Variants in SLC6A20 observed in about 807,000 individuals in gnomAD.
The protein encoded by SLC6A20 is solute carrier family 6 member 20, also known as sodium- and chloride-dependent transporter XTRP3.
Under a neutral mutation model 64.3 loss-of-function variants are expected in SLC6A20, and 73 were observed. The observed-to-expected ratio is 1.14, with a 90% CI of 0.94 to 1.38. SLC6A20 has a LOEUF of 1.38. Among genes scored for constraint, SLC6A20 ranks in the 40% most tolerant of loss-of-function variants. SLC6A20 has a pLI of 0.00. For missense variants in SLC6A20, 725 were observed against 772.8 expected, an observed-to-expected ratio of 0.94 and a Z score of 0.73; for synonymous variants, 347 against 329.6, an observed-to-expected ratio of 1.05 and a Z score of -0.57.
chr3:45,785,050 T>C (rs1173900711), intron 1 of SLC6A20, among the ~76,000 whole-genome samples: 1 of 152,226 alleles, frequency 6.6e-6, no homozygotes, highest in African/African-American at 2.4e-5. Flanking sequence ...CCCTATTGCA[T>C]TGGAAACTAA....
At chr3:45,792,012 G>A (rs142706577) in intron 1 of SLC6A20, among the ~76,000 whole-genome samples, 3,258 of 152,312 alleles carry the variant, frequency 0.021, 59 homozygotes, top group Middle Eastern at 0.068. Context: ...AGAGGATGAA[G>A]AGCACACTGG....
rs1362610476 is a variant in SLC6A20, at chr3:45,796,184, G to C, written c.121+115C>G. On this transcript the variant is annotated intron_variant, in intron 1 of 10. Coordinates refer to ENST00000358525, the MANE Select transcript of SLC6A20 (RefSeq NM_020208.4). ...GGGTCTGTAACTTCGGACAAATCAC[G>C]CTCGCTTTCCCGGCCTCAGTGTGCC... 2.7e-6 allele frequency: 4 copies of C among 1,486,182 alleles called. No individual in the cohort carries two copies. In the East Asian group the frequency reaches 1.0e-4, roughly 39 times the overall value. The allele number at this position is 1,486,182 out of a possible 1,614,324, so 92.1% of individuals were successfully genotyped here. A position where few individuals can be genotyped will look rare whatever the true frequency, so the allele number is the denominator to read the frequency against.
In SLC6A20 at chr3:45,758,595, C is replaced by T; in HGVS notation, c.*383G>A. ...TTAAATGGATCTAAAAATATTTGTC[C>T]TCTAATATTTTGGTGTCTCTTCAGC... On this transcript the variant is annotated 3_prime_UTR_variant, in exon 11 of 11. Transcript: ENST00000358525. 1 of 1,102,716 alleles carries T rather than the reference C, an allele frequency of 9.1e-7. No homozygotes were observed. Among genetic ancestry groups the T allele is most frequent in the Non-Finnish European group, 1.1e-6 (1 of 898,812 alleles). The allele number at this position is 1,102,716 out of a possible 1,614,324, so 68.3% of individuals were successfully genotyped here.
intron 1 of SLC6A20, among the ~76,000 whole-genome samples, chr3:45,794,325 G>A (rs1261215664): frequency 6.6e-6 from 1 of 152,200 alleles, no homozygotes; most frequent in Non-Finnish European, 1.5e-5. Context: ...CAAGTTAGGT[G>A]GTCAAGTGCC....
intron 4 of SLC6A20, among the ~76,000 whole-genome samples, chr3:45,772,993 A>T (rs1699901905): frequency 6.6e-6 from 1 of 152,216 alleles, no homozygotes; most frequent in Non-Finnish European, 1.5e-5. Flanking sequence ...AGCATGAAAA[A>T]AATATATGGG....
intron 9 of SLC6A20, among the ~76,000 whole-genome samples, chr3:45,761,962 A>G (rs559865358): frequency 1.3e-5 from 2 of 152,248 alleles, no homozygotes; most frequent in Non-Finnish European, 2.9e-5. Flanking sequence ...AGTGTTGTCA[A>G]TGTCTCCCTC....
rs1183874231 is a variant in SLC6A20, at chr3:45,772,493, T to C, written c.693+12A>G. On this transcript the variant is annotated intron_variant, in intron 5 of 10. Transcript: ENST00000358525. ...AGGGGTGCCCGTAGGGCCCTTCCGC[T>C]TCAGCCCGTACCTTGGGAGTGAACA... 2 of 1,606,888 alleles carry C rather than the reference T, an allele frequency of 1.2e-6. No individual in the cohort carries two copies. Among genetic ancestry groups the C allele is most frequent in the Non-Finnish European group, 1.7e-6 (2 of 1,177,118 alleles).
intron 1 of SLC6A20, 49 bp downstream of exon 1, chr3:45,796,250 G>A (rs2125661794): frequency 1.3e-6 from 2 of 1,561,212 alleles, no homozygotes; most frequent in South Asian, 2.3e-5. Context: ...CACACACGGC[G>A]GGGACGCGCA....
At chr3:45,795,698 C>T (rs1189457809) in intron 1 of SLC6A20, among the ~76,000 whole-genome samples, 2 of 152,104 alleles carry the variant, frequency 1.3e-5, no homozygotes, top group African/African-American at 2.4e-5. Flanking sequence ...GCTGGCTGTC[C>T]CCGGAGCGTG....
chr3:45,770,925 G>A (rs541715416), intron 6 of SLC6A20, among the ~76,000 whole-genome samples: 1 of 152,292 alleles, frequency 6.6e-6, no homozygotes. Context: ...TCAGCTAGAG[G>A]CTTCTTGGTT....
chr3:45,775,390 G>A (rs956883566), intron 4 of SLC6A20, among the ~76,000 whole-genome samples: 1 of 152,140 alleles, frequency 6.6e-6, no homozygotes, highest in African/African-American at 2.4e-5. Flanking sequence ...GTGCAGCTGA[G>A]TTGGAGAGCC....
At chr3:45,771,174 A>T (rs1407198544) in intron 6 of SLC6A20, 43 bp downstream of exon 6, 4 of 1,612,650 alleles carry the variant, frequency 2.5e-6, no homozygotes, top group Non-Finnish European at 3.4e-6. Context: ...TTCAGCTCAG[A>T]GCTCAGGGAG....
rs1699550890 is a variant in SLC6A20 at position 45,756,719 on chromosome 3, G to C, written c.*2259C>G. 1 of 152,234 alleles carries C rather than the reference G, an allele frequency of 6.6e-6. No homozygotes were observed. The highest frequency in any genetic ancestry group is 6.5e-5 in the Admixed American group (1 of 15,288). 9.4% of individuals were successfully genotyped at this position (152,234 alleles called of 1,614,324 possible). ...GATCTCAAGGAAGCACTGGACGTTA[G>C]AGCAGGAAGGGACTCGCTCACTTTA... On this transcript the variant is annotated 3_prime_UTR_variant, in exon 11 of 11. Coordinates refer to ENST00000358525, the MANE Select transcript of SLC6A20 (RefSeq NM_020208.4).
intron 4 of SLC6A20, among the ~76,000 whole-genome samples, chr3:45,773,553 CAT>C (rs1699914100): frequency 6.6e-6 from 1 of 152,174 alleles, no homozygotes. Context: ...TAAATCAACT[CAT>C]ATGTGTACCA....
intron 1 of SLC6A20, among the ~76,000 whole-genome samples, chr3:45,795,516 T>C (rs1306567105): frequency 4.6e-5 from 7 of 152,198 alleles, no homozygotes. Context: ...TTAGATACAA[T>C]TCTAGAAACG....
At chr3:45,775,356 G>T (rs1559566963) in intron 4 of SLC6A20, among the ~76,000 whole-genome samples, 2 of 152,056 alleles carry the variant, frequency 1.3e-5, no homozygotes, top group Admixed American at 6.5e-5. Context: ...TGAGATTTTT[G>T]AAAACTCTCC....
At chr3:45,783,724 T>C (rs567662012) in intron 1 of SLC6A20, among the ~76,000 whole-genome samples, 54 of 152,356 alleles carry the variant, frequency 3.5e-4, no homozygotes, top group African/African-American at 1.3e-3. Flanking sequence ...CATGAGCCGC[T>C]TGCATGGGTG....
intron 9 of SLC6A20, among the ~76,000 whole-genome samples, chr3:45,761,779 TG>T (rs1467369589): frequency 2.0e-5 from 3 of 152,194 alleles, no homozygotes; most frequent in African/African-American, 7.2e-5. Context: ...ACCCTCTCTT[TG>T]GGATCCACAA....
intron 1 of SLC6A20, among the ~76,000 whole-genome samples, chr3:45,787,780 G>A (rs1700194149): frequency 6.6e-6 from 1 of 152,162 alleles, no homozygotes; most frequent in Non-Finnish European, 1.5e-5. Flanking sequence ...GGATCTGCAT[G>A]GCTCATAGTT....
Sources: allele counts gnomAD v4.1 joint callset (sites outside exome capture counted in the v4.1 genomes callset), GRCh38; gene constraint gnomAD v4.1.1; transcripts MANE v1.5; gene names NCBI Gene and HGNC (gene_info 2026-07-23, HGNC 2026-07-21).